Variants in CCSER1 observed in about 807,000 individuals in gnomAD.
CCSER1 encodes coiled-coil serine rich protein 1.
A neutral mutation model predicts 82.0 loss-of-function variants in CCSER1; 41 were observed. That is an observed-to-expected ratio of 0.50 (90% CI 0.39 to 0.65). The LOEUF is 0.65. CCSER1 is among the 30% of genes least tolerant of loss of function. The pLI, the probability that CCSER1 is intolerant of heterozygous loss-of-function variation, is 0.00. For synonymous variants in CCSER1, 414 were observed against 383.9 expected, an observed-to-expected ratio of 1.08 and a Z score of -0.92; for missense variants, 1,119 against 1,064.2, an observed-to-expected ratio of 1.05 and a Z score of -0.72.
intron 3 of CCSER1, among the ~76,000 whole-genome samples, chr4:90,344,834 G>A (rs1316406086): frequency 1.3e-5 from 2 of 152,070 alleles, no homozygotes; most frequent in Admixed American, 6.6e-5. Flanking sequence ...AGAATAAAAT[G>A]AGGATAACTT....
intron 7 of CCSER1, chr4:90,727,433 T>A (rs1743860249): frequency 2.7e-6 from 1 of 363,680 alleles, no homozygotes; most frequent in African/African-American, 2.1e-5. Flanking sequence ...GGACTAAACC[T>A]GAACAAAATT....
rs376891297 is a variant in CCSER1 at position 91,047,082 on chromosome 4, C to G, written c.2173-38868C>G. Among the ~76,000 whole-genome samples, 16 of 152,202 alleles carry G rather than the reference C, an allele frequency of 1.1e-4. No individual in the cohort carries two copies. In the East Asian group the frequency reaches 2.5e-3, roughly 24 times the overall value. On this transcript the variant is annotated intron_variant, in intron 9 of 10. Transcript: ENST00000509176. ...TGACTAAAACTCAGTTACATTCCCC[C>G]CAACCCCCTCGCAACAAAGTGCAAG...
intron 10 of CCSER1, among the ~76,000 whole-genome samples, chr4:91,392,591 A>T (rs74320178): frequency 6.6e-6 from 1 of 152,056 alleles, no homozygotes; most frequent in Non-Finnish European, 1.5e-5. Flanking sequence ...TAATAATTGT[A>T]TACTGGTTTG....
intron 6 of CCSER1, among the ~76,000 whole-genome samples, chr4:90,690,120 G>T (rs933763871): frequency 1.4e-4 from 21 of 151,984 alleles, no homozygotes; most frequent in Admixed American, 2.0e-4. Flanking sequence ...AATATGTTTG[G>T]GGCACCAGAA....
intron 10 of CCSER1, among the ~76,000 whole-genome samples, chr4:91,242,853 G>A (rs917054679): frequency 6.6e-6 from 1 of 152,134 alleles, no homozygotes; most frequent in South Asian, 2.1e-4. Flanking sequence ...AAAGCAAGAC[G>A]GTGGAATAGA....
intron 5 of CCSER1, among the ~76,000 whole-genome samples, chr4:90,615,862 T>C (rs1721093509): frequency 6.6e-6 from 1 of 152,118 alleles, no homozygotes; most frequent in Non-Finnish European, 1.5e-5. Flanking sequence ...CCAAATGGAA[T>C]TGCATGCTAC....
intron 5 of CCSER1, among the ~76,000 whole-genome samples, chr4:90,524,472 T>C (rs1040120964): frequency 6.6e-6 from 1 of 152,052 alleles, no homozygotes; most frequent in Non-Finnish European, 1.5e-5. Flanking sequence ...TTTGTTGTTG[T>C]TGTTTGTTTG....
chr4:91,125,916 T>A (rs1329161423), intron 10 of CCSER1, among the ~76,000 whole-genome samples: 2 of 151,726 alleles, frequency 1.3e-5, no homozygotes, highest in Non-Finnish European at 3.0e-5. Flanking sequence ...CTGGGTTTAA[T>A]CCAAGAATAT....
At chr4:90,897,016 A>C (rs905673855) in intron 8 of CCSER1, among the ~76,000 whole-genome samples, 2 of 152,000 alleles carry the variant, frequency 1.3e-5, no homozygotes, top group Non-Finnish European at 2.9e-5. Context: ...GAGACATTGA[A>C]TCTTACAAAT....
chr4:90,325,189 G>T (rs1737933316), intron 3 of CCSER1, among the ~76,000 whole-genome samples: 1 of 152,242 alleles, frequency 6.6e-6, no homozygotes, highest in East Asian at 1.9e-4. Flanking sequence ...ATCACTCGGG[G>T]TTCTATTCAG....
intron 10 of CCSER1, among the ~76,000 whole-genome samples, chr4:91,311,089 T>C (rs1403646917): frequency 6.6e-6 from 1 of 152,034 alleles, no homozygotes; most frequent in Admixed American, 6.6e-5. Flanking sequence ...TTCATTTAAC[T>C]ATTACATGAT....
chr4:91,234,033 G>C (rs1336799939), intron 10 of CCSER1, among the ~76,000 whole-genome samples: 3 of 151,810 alleles, frequency 2.0e-5, no homozygotes, highest in African/African-American at 4.8e-5. Context: ...TACTAAAAAA[G>C]TATTTCCCAA....
intron 3 of CCSER1, among the ~76,000 whole-genome samples, chr4:90,382,816 G>T (rs758972631): frequency 2.0e-5 from 3 of 151,990 alleles, no homozygotes; most frequent in Non-Finnish European, 4.4e-5. Flanking sequence ...AAAAACTGCA[G>T]ATTTGTCATT....
chr4:91,269,317 C>T (rs1422593883), intron 10 of CCSER1, among the ~76,000 whole-genome samples: 2 of 152,110 alleles, frequency 1.3e-5, no homozygotes, highest in African/African-American at 4.8e-5. Context: ...TGTATAAGTA[C>T]CTAAAATGCA....
intron 3 of CCSER1, among the ~76,000 whole-genome samples, chr4:90,333,347 G>A (rs1739695855): frequency 6.6e-6 from 1 of 151,726 alleles, no homozygotes; most frequent in Admixed American, 6.6e-5. Context: ...GATGAATTGT[G>A]GAAAAGAACA....
intron 10 of CCSER1, among the ~76,000 whole-genome samples, chr4:91,354,480 C>T (rs1748690174): frequency 6.6e-6 from 1 of 152,146 alleles, no homozygotes; most frequent in Non-Finnish European, 1.5e-5. Context: ...TGGGTGGGCC[C>T]AAATAGTCTG....
chr4:90,845,360 A>T (rs1411032971), intron 8 of CCSER1, among the ~76,000 whole-genome samples: 1 of 64,138 alleles, frequency 1.6e-5, no homozygotes, highest in Non-Finnish European at 3.4e-5. Flanking sequence ...GACGCCATCT[A>T]AAAAAAAAAA....
intron 10 of CCSER1, among the ~76,000 whole-genome samples, chr4:91,308,682 A>G (rs1204395930): frequency 6.6e-6 from 1 of 152,024 alleles, no homozygotes; most frequent in Non-Finnish European, 1.5e-5. Flanking sequence ...AAGTTTGGGA[A>G]TTACTGGCCC....
intron 9 of CCSER1, among the ~76,000 whole-genome samples, chr4:91,039,850 G>A (rs1741810475): frequency 1.3e-5 from 2 of 151,930 alleles, no homozygotes; most frequent in African/African-American, 2.4e-5. Flanking sequence ...TATTAAAGGT[G>A]GAACTACTAT....
Sources: allele counts gnomAD v4.1 joint callset (sites outside exome capture counted in the v4.1 genomes callset), GRCh38; gene constraint gnomAD v4.1.1; transcripts MANE v1.5; gene names NCBI Gene and HGNC (gene_info 2026-07-23, HGNC 2026-07-21).